Variants in EVI5 observed in about 807,000 individuals in gnomAD.
EVI5 encodes the protein ecotropic viral integration site 5, also known as ecotropic viral integration site 5 protein homolog.
EVI5 carries 73 observed loss-of-function variants against 112.0 expected under a neutral mutation model. The ratio of observed to expected loss-of-function variants is 0.65; its 90% confidence interval spans 0.54 to 0.79. EVI5 has a LOEUF of 0.79. Ranked by LOEUF, EVI5 falls within the 30% of genes least tolerant of loss-of-function variation. EVI5 has a pLI of 0.00. For missense variants in EVI5, 900 were observed against 968.8 expected (o/e 0.93, Z 0.94); for synonymous variants, 305 against 319.9 (o/e 0.95, Z 0.50).
chr1:92,744,795 C>A (rs554069998), intron 1 of EVI5, among the ~76,000 whole-genome samples: 5 of 152,178 alleles, frequency 3.3e-5, no homozygotes, highest in African/African-American at 1.2e-4. Flanking sequence ...AGAGTTTTTC[C>A]AAGCTATGTA....
At chr1:92,546,186 G>T (rs1008522961) in intron 19 of EVI5, among the ~76,000 whole-genome samples, 1 of 152,072 alleles carries the variant, frequency 6.6e-6, no homozygotes, top group Non-Finnish European at 1.5e-5. Flanking sequence ...TAAGGCATGC[G>T]TGTGAACTAA....
intron 19 of EVI5, among the ~76,000 whole-genome samples, chr1:92,542,103 T>C (rs763662335): frequency 1.3e-5 from 2 of 152,232 alleles, no homozygotes; most frequent in Non-Finnish European, 2.9e-5. Context: ...TGCTGTTTGA[T>C]AGCATTTTAC....
intron 1 of EVI5, among the ~76,000 whole-genome samples, chr1:92,767,768 T>C (rs1206681761): frequency 2.6e-5 from 4 of 152,158 alleles, no homozygotes; most frequent in Admixed American, 2.6e-4. Context: ...TTCCAGGAAA[T>C]TTATACAGAC....
chr1:92,534,791 T>G (rs1663555162), intron 19 of EVI5, among the ~76,000 whole-genome samples: 2 of 152,302 alleles, frequency 1.3e-5, no homozygotes, highest in Non-Finnish European at 2.9e-5. Context: ...ATTAAAGACT[T>G]AAACGTAAGA....
At chr1:92,627,956 T>C (rs547677230) in intron 14 of EVI5, among the ~76,000 whole-genome samples, 7 of 152,152 alleles carry the variant, frequency 4.6e-5, no homozygotes, top group Non-Finnish European at 1.0e-4. Flanking sequence ...GCCTGGCTAA[T>C]TTTTTGTATT....
At chr1:92,742,776 A>T (rs1678621116) in intron 1 of EVI5, among the ~76,000 whole-genome samples, 1 of 152,236 alleles carries the variant, frequency 6.6e-6, no homozygotes, top group South Asian at 2.1e-4. Context: ...AAAGGAAAAT[A>T]ACAAGTGTTG....
intron 18 of EVI5, among the ~76,000 whole-genome samples, chr1:92,591,177 C>T (rs1261481302): frequency 6.6e-6 from 1 of 152,184 alleles, no homozygotes; most frequent in East Asian, 1.9e-4. Flanking sequence ...TTGTAAAGAC[C>T]ATCAAGGCTA....
At chr1:92,627,389 AT>A (rs1184941424) in intron 14 of EVI5, among the ~76,000 whole-genome samples, 1 of 152,208 alleles carries the variant, frequency 6.6e-6, no homozygotes, top group Non-Finnish European at 1.5e-5. Flanking sequence ...ATATACATAT[AT>A]ACACCACAGT....
intron 13 of EVI5, among the ~76,000 whole-genome samples, chr1:92,646,308 G>A (rs67876779): frequency 0.2 from 29,670 of 152,094 alleles, 3,441 homozygotes; most frequent in Non-Finnish European, 0.25. Context: ...TTTCATTGAT[G>A]CAGTGGCTCT....
intron 1 of EVI5, among the ~76,000 whole-genome samples, chr1:92,766,096 A>AAATAAT (rs71091300): frequency 0.031 from 4,358 of 140,940 alleles, 159 homozygotes; most frequent in African/African-American, 0.084. Flanking sequence ...AGACCCTGCA[A>AAATAAT]AATAATAATA....
At chr1:92,675,401 A>T (rs1666557365) in intron 10 of EVI5, among the ~76,000 whole-genome samples, 1 of 152,222 alleles carries the variant, frequency 6.6e-6, no homozygotes, top group African/African-American at 2.4e-5. Flanking sequence ...CTGTTTTCTG[A>T]AAATGCCTTT....
chr1:92,629,962 C>T (rs1047566365), intron 14 of EVI5, among the ~76,000 whole-genome samples: 4 of 152,020 alleles, frequency 2.6e-5, no homozygotes, highest in African/African-American at 9.7e-5. Flanking sequence ...TGATGGTTTC[C>T]AGCTTCATCC....
rs549303282 is a variant in EVI5, at chr1:92,671,826, A to G, written c.1158+5332T>C. ...CATCTTTTTTTTTTTTTTTTAAGACAGGATTTCACTCTGTCACCCAGGAAG... is the reference window on the plus strand; with the variant it reads ...CATCTTTTTTTTTTTTTTTTAAGACGGGATTTCACTCTGTCACCCAGGAAG... On this transcript the variant is annotated intron_variant, in intron 10 of 19. Coordinates refer to ENST00000684568, the MANE Select transcript of EVI5 (RefSeq NM_001350197.2). Among the ~76,000 whole-genome samples, 573 of 144,326 alleles carry G rather than the reference A, an allele frequency of 4.0e-3. 5 individuals are homozygous for G. Among genetic ancestry groups the G allele is most frequent in the South Asian group, 0.012 (54 of 4,512 alleles). 94.7% of individuals were successfully genotyped at this position (144,326 alleles called of 152,430 possible).
chr1:92,519,553 T>G (rs1030183994), intron 19 of EVI5, among the ~76,000 whole-genome samples: 2 of 152,070 alleles, frequency 1.3e-5, no homozygotes, highest in African/African-American at 4.8e-5. Flanking sequence ...CTGATGCTAT[T>G]TGGCAATAAA....
At chr1:92,722,631 T>G (rs529792776) in intron 2 of EVI5, among the ~76,000 whole-genome samples, 1 of 152,248 alleles carries the variant, frequency 6.6e-6, no homozygotes, top group South Asian at 2.1e-4. Flanking sequence ...CCCTTTCATT[T>G]CCTTTTCTGA....
chr1:92,610,599 C>CA (rs1266024501), intron 16 of EVI5, among the ~76,000 whole-genome samples: 4 of 151,310 alleles, frequency 2.6e-5, no homozygotes, highest in Non-Finnish European at 5.9e-5. Context: ...AAGTCACTAT[C>CA]AAAAAAAATT....
At chr1:92,561,602 A>T (rs1022687456) in intron 19 of EVI5, among the ~76,000 whole-genome samples, 11 of 121,564 alleles carry the variant, frequency 9.0e-5, no homozygotes, top group African/African-American at 2.7e-4. Flanking sequence ...TATCTATCTA[A>T]TCTATCCTAT....
At position 92,545,449 on chromosome 1, in the gene EVI5, A is replaced by G. The variant is rs373918311; in HGVS notation, c.2166+18193T>C. Among the ~76,000 whole-genome samples, 7 of 151,976 alleles carry G rather than the reference A, an allele frequency of 4.6e-5. No individual in the cohort carries two copies. In the East Asian group the frequency reaches 5.8e-4, roughly 13 times the overall value. ...AAAAAGGTTTTTAAAGTGAATTACT[A>G]TATTTCAAAAATCATGGTATAGTCA... On this transcript the variant is annotated intron_variant, in intron 19 of 19. Coordinates refer to ENST00000684568, the MANE Select transcript of EVI5 (RefSeq NM_001350197.2).
chr1:92,580,474 G>A (rs937615911), intron 18 of EVI5: 1 of 155,348 alleles, frequency 6.4e-6, no homozygotes, highest in Non-Finnish European at 1.5e-5. Context: ...TTATTGTACA[G>A]ACTAAAATTT....
Sources: gnomAD v4.1 joint callset for allele counts (sites outside exome capture counted in the v4.1 genomes callset) on GRCh38, gnomAD v4.1.1 for gene constraint, MANE v1.5 for transcripts, NCBI Gene and HGNC (gene_info 2026-07-23, HGNC 2026-07-21) for gene names.